Variants in CNTNAP5 observed in about 807,000 individuals in gnomAD.
The protein encoded by CNTNAP5 is contactin associated protein family member 5.
A neutral mutation model predicts 150.2 loss-of-function variants in CNTNAP5; 72 were observed. The observed-to-expected ratio is 0.48, with a 90% CI of 0.40 to 0.58. The LOEUF is 0.58. Among genes scored for constraint, CNTNAP5 ranks in the 20% least tolerant of loss-of-function variants. The pLI is 0.00. For missense variants in CNTNAP5, 1,636 were observed against 1,626.2 expected (o/e 1.01, Z -0.10); for synonymous variants, 672 against 619.8 (o/e 1.08, Z -1.25).
chr2:124,086,630 T>C (rs528530422), intron 1 of CNTNAP5, among the ~76,000 whole-genome samples: 39 of 151,762 alleles, frequency 2.6e-4, no homozygotes, highest in African/African-American at 8.3e-4. Context: ...CTATATCTTA[T>C]CTTCTAAGTT....
intron 9 of CNTNAP5, among the ~76,000 whole-genome samples, chr2:124,526,940 G>A (rs879095344): frequency 3.3e-5 from 5 of 152,154 alleles, no homozygotes; most frequent in East Asian, 3.9e-4. Context: ...AAATTCTGAA[G>A]CAGCTATAAT....
At chr2:124,327,129 T>C (rs1260191001) in intron 3 of CNTNAP5, among the ~76,000 whole-genome samples, 1 of 151,462 alleles carries the variant, frequency 6.6e-6, no homozygotes, top group Non-Finnish European at 1.5e-5. Flanking sequence ...TACAGGAGCC[T>C]GCCACCACAC....
intron 14 of CNTNAP5, among the ~76,000 whole-genome samples, chr2:124,760,854 T>A (rs1680941562): frequency 6.6e-6 from 1 of 152,138 alleles, no homozygotes; most frequent in Non-Finnish European, 1.5e-5. Context: ...TATGCATTAT[T>A]CCCTTTGATT....
chr2:124,584,992 C>T (rs1696495278), intron 11 of CNTNAP5, among the ~76,000 whole-genome samples: 2 of 152,302 alleles, frequency 1.3e-5, no homozygotes, highest in South Asian at 4.1e-4. Context: ...TTGCATTATT[C>T]ATAAATAGGA....
At chr2:124,447,062 T>C in intron 6 of CNTNAP5, 125 bp downstream of exon 6, 1 of 840,622 alleles carries the variant, frequency 1.2e-6, no homozygotes, top group Non-Finnish European at 1.9e-6. Flanking sequence ...TGGGACTTAC[T>C]TCCTCCATCT....
chr2:124,497,647 G>T (rs1694182113), intron 7 of CNTNAP5, among the ~76,000 whole-genome samples: 1 of 152,158 alleles, frequency 6.6e-6, no homozygotes. Context: ...ATAGGTACTT[G>T]TTCTAGCTTA....
intron 7 of CNTNAP5, among the ~76,000 whole-genome samples, chr2:124,479,273 C>T (rs1693712098): frequency 6.6e-6 from 1 of 152,086 alleles, no homozygotes; most frequent in Non-Finnish European, 1.5e-5. Context: ...CTGATAGTTT[C>T]CTGAAAATGA....
intron 1 of CNTNAP5, among the ~76,000 whole-genome samples, chr2:124,213,452 C>G (rs1267485592): frequency 6.6e-6 from 1 of 152,146 alleles, no homozygotes; most frequent in Non-Finnish European, 1.5e-5. Flanking sequence ...CAGGATAGAA[C>G]TTGTGTCTTT....
chr2:124,027,987 T>C (rs1284553841), intron 1 of CNTNAP5, among the ~76,000 whole-genome samples: 1 of 152,230 alleles, frequency 6.6e-6, no homozygotes, highest in African/African-American at 2.4e-5. Flanking sequence ...ATTCATTAAA[T>C]ATAGGACTTG....
At chr2:124,213,147 A>G (rs985040272) in intron 1 of CNTNAP5, among the ~76,000 whole-genome samples, 6 of 152,032 alleles carry the variant, frequency 3.9e-5, no homozygotes, top group African/African-American at 1.4e-4. Flanking sequence ...CTATGTGTAG[A>G]TAATTCTGCT....
At chr2:124,569,671 T>C (rs1004587977) in intron 11 of CNTNAP5, among the ~76,000 whole-genome samples, 1 of 152,214 alleles carries the variant, frequency 6.6e-6, no homozygotes, top group African/African-American at 2.4e-5. Flanking sequence ...GCCAATCCCT[T>C]TTCAACAGTG....
intron 1 of CNTNAP5, among the ~76,000 whole-genome samples, chr2:124,096,829 G>C (rs1429277258): frequency 6.6e-6 from 1 of 151,780 alleles, no homozygotes; most frequent in Admixed American, 6.6e-5. Context: ...TCAACCTCCC[G>C]AGTAGCTGGG....
At chr2:124,295,256 T>C (rs1268232236) in intron 3 of CNTNAP5, among the ~76,000 whole-genome samples, 1 of 151,948 alleles carries the variant, frequency 6.6e-6, no homozygotes, top group Non-Finnish European at 1.5e-5. Flanking sequence ...TTTGGATCGC[T>C]ACTAACTCTA....
chr2:124,106,190 T>C (rs1289527447), intron 1 of CNTNAP5, among the ~76,000 whole-genome samples: 1 of 152,200 alleles, frequency 6.6e-6, no homozygotes, highest in African/African-American at 2.4e-5. Context: ...GAAGGTGTCC[T>C]CACTAACCAC....
At chr2:124,707,342 A>G (rs1363902640) in intron 13 of CNTNAP5, among the ~76,000 whole-genome samples, 3 of 152,180 alleles carry the variant, frequency 2.0e-5, no homozygotes, top group Non-Finnish European at 4.4e-5. Context: ...AAAAATTTCC[A>G]TTAGAACTTG....
intron 1 of CNTNAP5, among the ~76,000 whole-genome samples, chr2:124,117,752 C>A (rs982019254): frequency 1.3e-5 from 2 of 152,094 alleles, no homozygotes; most frequent in Non-Finnish European, 2.9e-5. Flanking sequence ...TAATTAAATA[C>A]CAATTTAAAT....
intron 21 of CNTNAP5, among the ~76,000 whole-genome samples, chr2:124,893,525 A>G (rs998086499): frequency 6.6e-6 from 1 of 152,106 alleles, no homozygotes; most frequent in African/African-American, 2.4e-5. Flanking sequence ...TCTCTGCATG[A>G]TGGTGTACTT....
At chr2:124,630,142 G>A (rs1160935453) in intron 12 of CNTNAP5, among the ~76,000 whole-genome samples, 1 of 151,578 alleles carries the variant, frequency 6.6e-6, no homozygotes, top group Middle Eastern at 3.2e-3. Context: ...CTCTACCAGA[G>A]GTACAAAGAG....
At chr2:124,786,098 A>G (rs1454593296) in intron 17 of CNTNAP5, among the ~76,000 whole-genome samples, 1 of 151,756 alleles carries the variant, frequency 6.6e-6, no homozygotes, top group East Asian at 1.9e-4. Context: ...AATAATAAAA[A>G]TAAATTTTAA....
Sources: allele counts gnomAD v4.1 joint callset (sites outside exome capture counted in the v4.1 genomes callset), GRCh38; gene constraint gnomAD v4.1.1; transcripts MANE v1.5; gene names NCBI Gene and HGNC (gene_info 2026-07-23, HGNC 2026-07-21).